Variants in ECM2 observed in about 807,000 individuals in gnomAD.
ECM2 encodes the protein extracellular matrix protein 2.
ECM2 carries 57 observed loss-of-function variants against 67.5 expected under a neutral mutation model. The ratio of observed to expected loss-of-function variants is 0.84; its 90% CI spans 0.68 to 1.05. The LOEUF is 1.05. Ranked by LOEUF, ECM2 falls within the 50% of genes least tolerant of loss-of-function variation. ECM2 has a pLI of 0.00. For missense variants in ECM2, 741 were observed against 822.8 expected, an observed-to-expected ratio of 0.90 and a Z score of 1.22; for synonymous variants, 258 against 294.5, an observed-to-expected ratio of 0.88 and a Z score of 1.27.
downstream of ECM2, chr9:92,494,077 T>C (rs1232823473): frequency 1.3e-6 from 2 of 1,597,108 alleles, no homozygotes; most frequent in Non-Finnish European, 1.7e-6. Context: ...TTCCTGCTTA[T>C]TGCCTCTACC....
In ECM2 at chr9:92,514,976, C is replaced by G. The variant is rs145991428; in HGVS notation, c.709G>C (p.Gly237Arg). 2.5e-4 allele frequency: 401 copies of G among 1,613,916 alleles called. No homozygotes were observed. Among genetic ancestry groups the G allele is most frequent in the Non-Finnish European group, 3.0e-4 (349 of 1,180,002 alleles). Residue 237 changes from glycine (G) to arginine (R), a missense_variant, in exon 4 of 10, where the codon GGG (glycine) becomes CGG (arginine). Coordinates refer to ENST00000344604, the MANE Select transcript of ECM2 (RefSeq NM_001393.4). ...KRETPESRNQ[G>R]QLYSEGDSRG... ...CTGTCCCCCTCACTGTAAAGTTGCC[C>G]CTGATTTCTAGATTCAGGGGTCTCT...
Position 92,505,646 on chromosome 9 carries a change from T to C in ECM2, c.1351A>G (p.Ser451Gly). 6.2e-7 allele frequency: 1 copy of C among 1,606,772 alleles called. No individual in the cohort carries two copies. ...VTLELEGNNL[S>G]EANVNPLAFK... Reference sequence around the variant, plus strand: ...GCTAAAGGATTGACATTGGCTTCACTGAGATTGTTTCCTTCCAATTCTAAG... The same window carrying C: ...GCTAAAGGATTGACATTGGCTTCACCGAGATTGTTTCCTTCCAATTCTAAG... Residue 451 changes from serine to glycine, a missense_variant, in exon 7 of 10, where the codon AGT becomes GGT. Ser to Gly is a moderately conservative substitution (Grantham distance 56). Transcript: ENST00000344604.
At chr9:92,520,281 T>C (rs72754433) in intron 2 of ECM2, among the ~76,000 whole-genome samples, 4,884 of 151,660 alleles carry the variant, frequency 0.032, 110 homozygotes, top group South Asian at 0.085. Flanking sequence ...AGACCCCATC[T>C]CTTAAAAAAA....
chr9:92,532,694 T>G (rs75603563), intron 1 of ECM2, among the ~76,000 whole-genome samples: 6,061 of 152,308 alleles, frequency 0.04, 185 homozygotes, highest in South Asian at 0.098. Flanking sequence ...GTTCTTTTTG[T>G]TTCCAATTCT....
intron 4 of ECM2, among the ~76,000 whole-genome samples, 186 bp from the exon 5 acceptor site, chr9:92,512,312 G>T (rs1010143442): frequency 6.6e-6 from 1 of 152,310 alleles, no homozygotes; most frequent in East Asian, 1.9e-4. Flanking sequence ...GCTGGAAATA[G>T]ATGGTTTAAC....
At chr9:92,546,213 C>T in the ECM2 span, among the ~76,000 whole-genome samples, 23 of 152,160 alleles carry the variant, frequency 1.5e-4, no homozygotes, top group African/African-American at 5.6e-4. Context: ...GACCAATCAG[C>T]TCTCTGTAAA....
chr9:92,505,522 T>C lies in ECM2; in HGVS notation c.1464+11A>G. ...TAATACATTTAAAACACTAAAAAAA[T>C]ATATTGTTACCTCAATAGAACCAGG... On this transcript the variant is annotated intron_variant, in intron 7 of 9. Coordinates refer to ENST00000344604, the MANE Select transcript of ECM2 (RefSeq NM_001393.4). 6.3e-7 allele frequency: 1 copy of C among 1,578,096 alleles called. No individual in the cohort carries two copies. Among genetic ancestry groups the C allele is most frequent in the Non-Finnish European group, 8.6e-7 (1 of 1,167,818 alleles).
At chr9:92,553,355 G>A in the ECM2 span, among the ~76,000 whole-genome samples, 1 of 152,084 alleles carries the variant, frequency 6.6e-6, no homozygotes, top group Admixed American at 6.5e-5. Context: ...CTCCAGATTT[G>A]TTCTTTTTGC....
chr9:92,533,898 A>C (rs1849010802), intron 1 of ECM2, among the ~76,000 whole-genome samples: 1 of 151,912 alleles, frequency 6.6e-6, no homozygotes, highest in South Asian at 2.1e-4. Flanking sequence ...CTTTGTAAGA[A>C]ATTTTTTTTC....
At chr9:92,531,733 C>T (rs1030252818) in intron 1 of ECM2, among the ~76,000 whole-genome samples, 2 of 152,154 alleles carry the variant, frequency 1.3e-5, no homozygotes, top group African/African-American at 2.4e-5. Flanking sequence ...CATTTTCCTT[C>T]GTTCCTTCCT....
Position 92,504,599 on chromosome 9 carries a change from G to A in ECM2, c.1464+934C>T, listed in dbSNP as rs894711243. The stretch of plus-strand genomic sequence containing the variant: ...TGCCCAGGCTGGAGTGTAGTGGTAC[G>A]ATCCTAGCTTACTGCAGCCTCAAAC... On this transcript the variant is annotated intron_variant, in intron 7 of 9. Coordinates refer to ENST00000344604, the MANE Select transcript of ECM2 (RefSeq NM_001393.4). Among the ~76,000 whole-genome samples, 10 of 152,234 alleles carry A rather than the reference G, an allele frequency of 6.6e-5. 1 individual carries two copies.
chr9:92,497,313 TATACTG>T (rs1846401964), intron 9 of ECM2, among the ~76,000 whole-genome samples: 1 of 150,594 alleles, frequency 6.6e-6, no homozygotes, highest in Non-Finnish European at 1.5e-5. Flanking sequence ...TGGGGAGTGA[TATACTG>T]ATACTTTTAA....
downstream of ECM2, among the ~76,000 whole-genome samples, chr9:92,494,706 A>G (rs182148460): frequency 2.6e-5 from 4 of 152,282 alleles, no homozygotes; most frequent in African/African-American, 9.6e-5. Context: ...CAAGAGATTG[A>G]GACCATCCTG....
chr9:92,500,252 G>A (rs965221744), intron 9 of ECM2, among the ~76,000 whole-genome samples: 7 of 151,978 alleles, frequency 4.6e-5, no homozygotes, highest in Non-Finnish European at 8.8e-5. Context: ...GCACCATCCC[G>A]GCTCACTGCA....
the ECM2 span, among the ~76,000 whole-genome samples, chr9:92,552,006 A>G: frequency 3.2e-4 from 47 of 145,372 alleles, no homozygotes; most frequent in Admixed American, 5.5e-4. Context: ...ATATATGTGT[A>G]TATATATGAT....
At chr9:92,533,354 T>G (rs1848977219) in intron 1 of ECM2, among the ~76,000 whole-genome samples, 1 of 126,878 alleles carries the variant, frequency 7.9e-6, no homozygotes, top group African/African-American at 3.0e-5. Context: ...TATATATATA[T>G]ATATGCTTTG....
the ECM2 span, among the ~76,000 whole-genome samples, chr9:92,545,409 G>T: frequency 6.6e-6 from 1 of 152,172 alleles, no homozygotes; most frequent in Non-Finnish European, 1.5e-5. Flanking sequence ...AGCTGCGGAG[G>T]GTGCGTCGGG....
the ECM2 span, among the ~76,000 whole-genome samples, chr9:92,542,471 A>G: frequency 6.7e-6 from 1 of 150,366 alleles, no homozygotes; most frequent in Admixed American, 6.6e-5. Context: ...GCCTACACCA[A>G]TATCATGGAG....
the ECM2 span, among the ~76,000 whole-genome samples, chr9:92,554,640 T>C: frequency 6.6e-6 from 1 of 152,090 alleles, no homozygotes; most frequent in Non-Finnish European, 1.5e-5. Context: ...CTTTTTTGTT[T>C]TGTTTTGTTT....
Sources: allele counts gnomAD v4.1 joint callset (sites outside exome capture counted in the v4.1 genomes callset), GRCh38; gene constraint gnomAD v4.1.1; transcripts MANE v1.5; gene names NCBI Gene and HGNC (gene_info 2026-07-23, HGNC 2026-07-21).